Variants in LPIN2 observed in about 807,000 individuals in gnomAD.
The protein encoded by LPIN2 is phosphatidate phosphatase LPIN2.
LPIN2 carries 55 observed loss-of-function variants against 111.4 expected under a neutral mutation model. The observed-to-expected ratio is 0.49, with a 90% CI of 0.40 to 0.62. The LOEUF is 0.62. Ranked by LOEUF, LPIN2 falls within the 20% of genes least tolerant of loss-of-function variation. LPIN2 has a pLI of 0.00. For missense variants in LPIN2, 992 were observed against 1,112.1 expected, an observed-to-expected ratio of 0.89 and a Z score of 1.54; for synonymous variants, 425 against 414.0, an observed-to-expected ratio of 1.03 and a Z score of -0.32.
chr18:2,989,588 T>C (rs1476487573), intron 1 of LPIN2, among the ~76,000 whole-genome samples: 2 of 146,440 alleles, frequency 1.4e-5, no homozygotes, highest in South Asian at 2.3e-4. Context: ...AAGAGCTAAG[T>C]TGGAAGACTT....
chr18:2,929,400 G>T (rs904011155), intron 9 of LPIN2, among the ~76,000 whole-genome samples: 6 of 152,000 alleles, frequency 3.9e-5, no homozygotes, highest in African/African-American at 1.4e-4. Flanking sequence ...AGTAAAAAGG[G>T]ACATGACAGA....
chr18:2,964,282 C>CAAAAA (rs56276815), intron 1 of LPIN2, among the ~76,000 whole-genome samples: 36 of 56,684 alleles, frequency 6.4e-4, no homozygotes, highest in South Asian at 3.8e-3. Flanking sequence ...GACTCCGTCT[C>CAAAAA]AAAAAAAAAA....
chr18:2,975,459 C>A (rs1012967044), intron 1 of LPIN2, among the ~76,000 whole-genome samples: 1 of 152,100 alleles, frequency 6.6e-6, no homozygotes, highest in Non-Finnish European at 1.5e-5. Context: ...CTCAGCCTCT[C>A]GAGTAGCCGG....
At position 2,946,380 on chromosome 18, in the gene LPIN2, A is replaced by C. The variant is rs770024264; in HGVS notation, c.590+4675T>G. On this transcript the variant is annotated intron_variant, in intron 4 of 19. Transcript: ENST00000677752. ...TTTGTACAGCCTACAATGCTTAAGA[A>C]ATCAGAAAAATCAGTTGTTCTTCTC... is the stretch of plus-strand genomic sequence containing the variant. The C allele has an allele frequency of 1.0e-4, 151 of 1,486,804 alleles. 2 individuals are homozygous for C. In the South Asian group the frequency reaches 1.6e-3, roughly 16 times the overall value. 92.1% of individuals were successfully genotyped at this position (1,486,804 alleles called of 1,614,324 possible). A position where few individuals can be genotyped will look rare whatever the true frequency, so the allele number is the denominator to read the frequency against.
rs965614415 is a variant in LPIN2 at position 2,955,668 on chromosome 18, T to C, written c.193-1069A>G. Among the ~76,000 whole-genome samples, 9 of 152,204 alleles carry C rather than the reference T, an allele frequency of 5.9e-5. No homozygotes were observed. In the South Asian group the frequency reaches 1.9e-3, roughly 32 times the overall value. On this transcript the variant is annotated intron_variant, in intron 2 of 19. Transcript: ENST00000677752. ...CAGTGGCTCATGCTTGTAATCCCAG[T>C]ACTTTGGGAGACCAAGGTGGGCAGG...
intron 1 of LPIN2, chr18:2,982,663 C>T: frequency 1.6e-6 from 2 of 1,285,386 alleles, no homozygotes; most frequent in African/African-American, 1.5e-5. Context: ...GGAGATGTAA[C>T]TCACCAAGAT....
chr18:2,946,070 T>C, intron 4 of LPIN2: 2 of 1,481,126 alleles, frequency 1.4e-6, no homozygotes, highest in Middle Eastern at 1.7e-4. Context: ...CCTCCATTCT[T>C]ACATGAGGTC....
Position 2,918,329 on chromosome 18 carries a change from A to C in LPIN2, c.*1964T>G, listed in dbSNP as rs550740504. ...ACAACCTAAAAAGGATTAAAGATGT[A>C]TATTAAGATTTTTCAGTACCATACA... On this transcript the variant is annotated 3_prime_UTR_variant, in exon 20 of 20. Transcript: ENST00000677752. 3.9e-5 allele frequency: 6 copies of C among 152,360 alleles called. No individual in the cohort carries two copies. In the South Asian group the frequency reaches 1.0e-3, roughly 26 times the overall value. 9.4% of individuals were successfully genotyped at this position (152,360 alleles called of 1,614,324 possible). A position where few individuals can be genotyped will look rare whatever the true frequency, so the allele number is the denominator to read the frequency against.
At chr18:2,922,320 G>C in intron 16 of LPIN2, 121 bp from the exon 17 acceptor site, 2 of 1,157,390 alleles carry the variant, frequency 1.7e-6, no homozygotes, top group Non-Finnish European at 2.5e-6. Context: ...TGTTACCCAG[G>C]CTGGAGTGCT....
At chr18:2,921,768 TTCCTTC>T in intron 17 of LPIN2, 121 bp from the exon 18 acceptor site, 1 of 815,464 alleles carries the variant, frequency 1.2e-6, no homozygotes, top group Non-Finnish European at 2.0e-6. Flanking sequence ...ACTGGAATCT[TTCCTTC>T]TCCTTCTTTG....
intron 4 of LPIN2, among the ~76,000 whole-genome samples, chr18:2,942,233 C>T (rs918453790): frequency 6.6e-6 from 1 of 152,138 alleles, no homozygotes; most frequent in Non-Finnish European, 1.5e-5. Flanking sequence ...TAGGGCCTTA[C>T]TCTGGCATAC....
At chr18:2,963,386 G>A (rs2077743218) in intron 1 of LPIN2, among the ~76,000 whole-genome samples, 1 of 152,028 alleles carries the variant, frequency 6.6e-6, no homozygotes, top group Non-Finnish European at 1.5e-5. Context: ...TACACAATAA[G>A]AACCAAGTCA....
intron 1 of LPIN2, among the ~76,000 whole-genome samples, chr18:2,969,868 T>C (rs907353129): frequency 6.6e-6 from 1 of 152,222 alleles, no homozygotes. Flanking sequence ...TTAAGTTTGT[T>C]ATGAAGACTA....
intron 1 of LPIN2, among the ~76,000 whole-genome samples, chr18:3,000,113 GGAA>G (rs1226694520): frequency 7.1e-5 from 6 of 84,978 alleles, no homozygotes; most frequent in African/African-American, 2.3e-4. Flanking sequence ...GGGAAGGAGG[GGAA>G]GAAGGAGGAG....
At chr18:2,928,709 AAGAG>A in intron 10 of LPIN2, 49 bp from the exon 11 acceptor site, 1 of 1,396,694 alleles carries the variant, frequency 7.2e-7, no homozygotes, top group Non-Finnish European at 1.0e-6. Flanking sequence ...GAAAGTGAGC[AAGAG>A]AGAGGGGAGG....
At chr18:2,990,211 G>A (rs890655617) in intron 1 of LPIN2, among the ~76,000 whole-genome samples, 3 of 152,086 alleles carry the variant, frequency 2.0e-5, no homozygotes, top group African/African-American at 7.2e-5. Context: ...AAAACTCTTA[G>A]AAGAAAACAT....
chr18:2,957,752 GA>G (rs200877536), intron 2 of LPIN2, among the ~76,000 whole-genome samples: 2 of 152,110 alleles, frequency 1.3e-5, no homozygotes, highest in African/African-American at 4.8e-5. Flanking sequence ...GGTGGGGAAA[GA>G]AAAAGGGAAT....
intron 1 of LPIN2, chr18:2,991,154 T>C: frequency 3.2e-6 from 1 of 316,364 alleles, no homozygotes; most frequent in Non-Finnish European, 6.4e-6. Flanking sequence ...CACAATGCTG[T>C]GACTCTGGGT....
intron 1 of LPIN2, among the ~76,000 whole-genome samples, chr18:2,973,710 A>T (rs1028459784): frequency 3.3e-5 from 5 of 152,262 alleles, no homozygotes; most frequent in African/African-American, 1.2e-4. Flanking sequence ...AGATTTTGGA[A>T]TATTTGCATA....
Sources: gnomAD v4.1 joint callset for allele counts (sites outside exome capture counted in the v4.1 genomes callset) on GRCh38, gnomAD v4.1.1 for gene constraint, MANE v1.5 for transcripts, NCBI Gene and HGNC (gene_info 2026-07-23, HGNC 2026-07-21) for gene names.